The following PRDM6 variants were observed in gnomAD, a reference collection of about 807,000 sequenced individuals.
PRDM6 encodes the protein putative histone-lysine N-methyltransferase PRDM6.
PRDM6 carries 25 observed loss-of-function variants against 60.8 expected under a neutral mutation model. The ratio of observed to expected loss-of-function variants is 0.41; its 90% CI spans 0.30 to 0.57. The LOEUF (loss-of-function observed/expected upper bound fraction) is 0.57. Among genes scored for constraint, PRDM6 ranks in the 20% least tolerant of loss-of-function variants. The pLI, the probability that PRDM6 is intolerant of heterozygous loss-of-function variation, is 0.27. For missense variants in PRDM6, 839 were observed against 821.3 expected (o/e 1.02, Z -0.26); for synonymous variants, 407 against 357.4 (o/e 1.14, Z -1.57).
At chr5:123,114,260 T>G (rs910982539) in intron 3 of PRDM6, among the ~76,000 whole-genome samples, 15 of 152,256 alleles carry the variant, frequency 9.9e-5, no homozygotes, top group African/African-American at 3.6e-4. Flanking sequence ...TGTCAGCAAC[T>G]TCATGCAAAC....
intron 3 of PRDM6, among the ~76,000 whole-genome samples, chr5:123,138,506 A>G (rs1046601568): frequency 1.3e-5 from 2 of 152,234 alleles, no homozygotes; most frequent in South Asian, 2.1e-4. Context: ...CACAGCAACT[A>G]TATTTTTGAA....
At chr5:123,149,009 C>T (rs1262853037) in intron 3 of PRDM6, among the ~76,000 whole-genome samples, 2 of 152,182 alleles carry the variant, frequency 1.3e-5, no homozygotes, top group East Asian at 1.9e-4. Flanking sequence ...GTCAGTTATA[C>T]AGATAAATAA....
In PRDM6 at chr5:123,090,224, C is replaced by T. The variant is rs1165650261; in HGVS notation, c.210C>T (p.Arg70=). The T allele has an allele frequency of 8.1e-6, 12 of 1,474,836 alleles. No homozygotes were observed. The highest frequency in any genetic ancestry group is 1.3e-5 in the South Asian group (1 of 76,694). The allele number at this position is 1,474,836 out of a possible 1,614,324, so 91.4% of individuals were successfully genotyped here. A position where few individuals can be genotyped will look rare whatever the true frequency, so the allele number is the denominator to read the frequency against. ...ERAEPPPDSL[R]PRPASLSSAS... is the part of the protein sequence containing the mutation. Reference sequence around the variant, plus strand: ...CTGAGCCTCCGCCGGACAGCCTGCGCCCGCGGCCCGCCTCTCTCTCCTCCG... The same window carrying T: ...CTGAGCCTCCGCCGGACAGCCTGCGTCCGCGGCCCGCCTCTCTCTCCTCCG... The change falls in exon 2 of 8, where the codon CGC becomes CGT. Residue 70 remains arginine, a synonymous_variant. Coordinates refer to ENST00000407847, the MANE Select transcript of PRDM6 (RefSeq NM_001136239.4).
chr5:123,182,004 T>G (rs1328066346), intron 7 of PRDM6, among the ~76,000 whole-genome samples: 1 of 152,234 alleles, frequency 6.6e-6, no homozygotes, highest in African/African-American at 2.4e-5. Context: ...TAATTTTTGT[T>G]GCGGTACATA....
chr5:123,169,438 C>T (rs162952), intron 5 of PRDM6, among the ~76,000 whole-genome samples: 10,796 of 152,210 alleles, frequency 0.071, 404 homozygotes, highest in African/African-American at 0.082. Context: ...CCCTCACACC[C>T]GTCGCTTCTC....
At chr5:123,160,113 A>G (rs1466563659) in intron 5 of PRDM6, among the ~76,000 whole-genome samples, 2 of 152,224 alleles carry the variant, frequency 1.3e-5, no homozygotes, top group Non-Finnish European at 2.9e-5. Flanking sequence ...TTCCTCCTAC[A>G]TAGTCATTTG....
intron 3 of PRDM6, among the ~76,000 whole-genome samples, chr5:123,150,675 A>T (rs899526621): frequency 6.6e-6 from 1 of 152,174 alleles, no homozygotes; most frequent in Admixed American, 6.5e-5. Flanking sequence ...TTATAGAAGG[A>T]TGGGGCTGTG....
chr5:123,180,085 A>T, intron 6 of PRDM6, 62 bp from the exon 7 acceptor site: 1 of 1,442,546 alleles, frequency 6.9e-7, no homozygotes, highest in Admixed American at 2.5e-5. Flanking sequence ...TTGTCATATG[A>T]TTCTGACTTC....
At chr5:123,104,657 T>C (rs1410846489) in intron 3 of PRDM6, among the ~76,000 whole-genome samples, 1 of 152,220 alleles carries the variant, frequency 6.6e-6, no homozygotes, top group Non-Finnish European at 1.5e-5. Context: ...AATTTCTCCT[T>C]AAAAATAAAC....
chr5:123,167,421 C>T (rs959290250), intron 5 of PRDM6, among the ~76,000 whole-genome samples: 3 of 149,118 alleles, frequency 2.0e-5, no homozygotes, highest in African/African-American at 7.5e-5. Context: ...CGGAGTTTCA[C>T]TCTTGTTACC....
intron 3 of PRDM6, among the ~76,000 whole-genome samples, chr5:123,130,530 G>A (rs185302881): frequency 1.3e-3 from 201 of 150,904 alleles, no homozygotes; most frequent in Admixed American, 3.4e-3. Flanking sequence ...GAATCTTTTT[G>A]TAGTGACTTT....
rs1366207267 is a variant in PRDM6 at position 123,099,823 on chromosome 5, T to C, written c.762T>C (p.Thr254=). 6 of 1,550,458 alleles carry C rather than the reference T, an allele frequency of 3.9e-6. No homozygotes were observed. The African/African-American group carries it at 8.2e-5, about 21-fold the overall frequency. ...LPREVCLCTS[T]VPGLAYGICA... is the part of the protein sequence containing the mutation. ...GCGAGGTGTGCCTCTGCACCAGTAC[T>C]GTGCCCGGCCTGGCCTACGGCATCT... Residue 254 remains threonine (T), a synonymous_variant, in exon 3 of 8, where the codon ACT becomes ACC. Coordinates refer to ENST00000407847, the MANE Select transcript of PRDM6 (RefSeq NM_001136239.4). The surrounding 1 kb of genome is among the most constrained non-coding windows in gnomAD (Gnocchi z 4.0).
intron 3 of PRDM6, among the ~76,000 whole-genome samples, chr5:123,155,351 G>C (rs1196635266): frequency 6.9e-6 from 1 of 145,778 alleles, no homozygotes; most frequent in Non-Finnish European, 1.5e-5. Context: ...TGAGGTGAGA[G>C]TCCATTTATT....
chr5:123,089,888 G>T (rs1241512208), intron 1 of PRDM6, 112 bp from the exon 2 acceptor site: 1 of 759,850 alleles, frequency 1.3e-6, no homozygotes, highest in Admixed American at 3.0e-5. Flanking sequence ...GGAACCGGGC[G>T]GCCGCCGGCT....
At chr5:123,176,755 A>G (rs1766022574) in intron 6 of PRDM6, among the ~76,000 whole-genome samples, 1 of 152,176 alleles carries the variant, frequency 6.6e-6, no homozygotes, top group Non-Finnish European at 1.5e-5. Context: ...TTAGTTGTGC[A>G]ATGTCATGAG....
chr5:123,094,763 C>G (rs907180725), intron 2 of PRDM6, among the ~76,000 whole-genome samples: 7 of 152,154 alleles, frequency 4.6e-5, no homozygotes, highest in African/African-American at 1.7e-4. Context: ...ATCATCTCCG[C>G]ATTGTATATG....
rs181856926 is a variant in PRDM6, at chr5:123,134,423, A to G, written c.901-21461A>G. ...TAAAAACTGTATATGTTAATTTCAA[A>G]GTAATAAGTTTATTTTAATGAAAGG... On this transcript the variant is annotated intron_variant, in intron 3 of 7. Coordinates refer to ENST00000407847, the MANE Select transcript of PRDM6 (RefSeq NM_001136239.4). Among the ~76,000 whole-genome samples, 5 of 152,276 alleles carry G rather than the reference A, an allele frequency of 3.3e-5. No homozygotes were observed. In the East Asian group the frequency reaches 7.7e-4, roughly 23 times the overall value.
chr5:123,167,778 C>T (rs1313649934), intron 5 of PRDM6, among the ~76,000 whole-genome samples: 1 of 152,226 alleles, frequency 6.6e-6, no homozygotes, highest in Admixed American at 6.5e-5. Context: ...CCCCCAGAAG[C>T]ATTTTATTCC....
intron 5 of PRDM6, among the ~76,000 whole-genome samples, chr5:123,169,140 C>G (rs1250470100): frequency 6.6e-6 from 1 of 152,160 alleles, no homozygotes; most frequent in Non-Finnish European, 1.5e-5. Context: ...TTTTTGGTCT[C>G]TAATTTCATT....
Sources: allele counts gnomAD v4.1 joint callset (sites outside exome capture counted in the v4.1 genomes callset), GRCh38; gene constraint gnomAD v4.1.1; non-coding constraint Gnocchi (gnomAD v3.1); transcripts MANE v1.5; gene names NCBI Gene and HGNC (gene_info 2026-07-23, HGNC 2026-07-21).